The following REDIC1 variants were observed in gnomAD, a reference collection of about 807,000 sequenced individuals.
REDIC1 encodes the protein regulator of DNA class I crossover intermediates 1.
At chr12:39,786,444 C>G in the REDIC1 span, among the ~76,000 whole-genome samples, 5 of 104,872 alleles carry the variant, frequency 4.8e-5, no homozygotes, top group Admixed American at 4.0e-4. Context: ...TCCCAGTTTT[C>G]AGTATGTCTT....
chr12:39,713,606 A>G, the REDIC1 span, among the ~76,000 whole-genome samples: 1 of 149,106 alleles, frequency 6.7e-6, no homozygotes, highest in South Asian at 2.1e-4. Context: ...ACGTATATAT[A>G]CATATGTATA....
chr12:39,773,501 G>A, the REDIC1 span, among the ~76,000 whole-genome samples: 7 of 152,138 alleles, frequency 4.6e-5, no homozygotes, highest in East Asian at 3.8e-4. Context: ...TAGTTCATAC[G>A]TAGATCTATT....
the REDIC1 span, among the ~76,000 whole-genome samples, chr12:39,828,886 A>T: frequency 6.6e-6 from 1 of 152,048 alleles, no homozygotes; most frequent in Non-Finnish European, 1.5e-5. Context: ...CACTAATTGT[A>T]TTTCTTTTAC....
the REDIC1 span, among the ~76,000 whole-genome samples, chr12:39,842,357 C>T: frequency 2.0e-5 from 3 of 152,026 alleles, no homozygotes; most frequent in Non-Finnish European, 4.4e-5. Context: ...GAGACTTGCT[C>T]ATGTCTCTAA....
chr12:39,721,128 A>T, the REDIC1 span: 1 of 1,613,776 alleles, frequency 6.2e-7, no homozygotes, highest in Non-Finnish European at 8.5e-7. Flanking sequence ...ATGTTGCCAT[A>T]CAGTGTGATC....
At chr12:39,841,875 A>G in the REDIC1 span, among the ~76,000 whole-genome samples, 3 of 152,084 alleles carry the variant, frequency 2.0e-5, no homozygotes, top group African/African-American at 7.2e-5. Context: ...GTCGACTAGT[A>G]TTTGTAGCTA....
the REDIC1 span, among the ~76,000 whole-genome samples, chr12:39,882,723 T>C: frequency 2.4e-4 from 37 of 152,284 alleles, no homozygotes; most frequent in Admixed American, 2.0e-3. Flanking sequence ...TCTACATTGA[T>C]TCACAAATCT....
At chr12:39,904,228 T>G in the REDIC1 span, among the ~76,000 whole-genome samples, 1 of 152,110 alleles carries the variant, frequency 6.6e-6, no homozygotes, top group Non-Finnish European at 1.5e-5. Context: ...AAAGATTCAG[T>G]GCCCAGGGTT....
chr12:39,877,994 C>T, the REDIC1 span, among the ~76,000 whole-genome samples: 1 of 152,162 alleles, frequency 6.6e-6, no homozygotes, highest in Non-Finnish European at 1.5e-5. Flanking sequence ...CTGACCCACT[C>T]TCCTACTGCT....
chr12:39,638,653 A>G, the REDIC1 span, among the ~76,000 whole-genome samples: 1 of 152,038 alleles, frequency 6.6e-6, no homozygotes, highest in African/African-American at 2.4e-5. Flanking sequence ...GTTTATGTGG[A>G]CATATCATTC....
the REDIC1 span, among the ~76,000 whole-genome samples, chr12:39,885,112 ATG>A: frequency 1.6e-4 from 24 of 152,320 alleles, no homozygotes; most frequent in African/African-American, 5.5e-4. Flanking sequence ...GGGGCTGATG[ATG>A]AAATGGAAAA....
the REDIC1 span, among the ~76,000 whole-genome samples, chr12:39,831,249 TA>T: frequency 2.6e-5 from 4 of 152,278 alleles, no homozygotes; most frequent in African/African-American, 9.6e-5. Context: ...CCATTCATTT[TA>T]ACGATGAGAG....
chr12:39,691,031 AGG>A, the REDIC1 span, among the ~76,000 whole-genome samples: 1 of 152,088 alleles, frequency 6.6e-6, no homozygotes, highest in East Asian at 1.9e-4. Flanking sequence ...GATAAGATAG[AGG>A]GGTTAGGGAA....
the REDIC1 span, chr12:39,864,942 G>A: frequency 6.8e-7 from 1 of 1,477,176 alleles, no homozygotes; most frequent in African/African-American, 1.4e-5. Context: ...AAGGCAGACT[G>A]GGTTTGGTAA....
At chr12:39,849,796 T>C in the REDIC1 span, among the ~76,000 whole-genome samples, 2 of 152,192 alleles carry the variant, frequency 1.3e-5, no homozygotes, top group Admixed American at 1.3e-4. Flanking sequence ...GGCTTTAATA[T>C]TTCAAGGTCA....
chr12:39,672,628 G>A, the REDIC1 span, among the ~76,000 whole-genome samples: 1 of 152,096 alleles, frequency 6.6e-6, no homozygotes, highest in Non-Finnish European at 1.5e-5. Context: ...ACATGCTGTG[G>A]CACCCTTTGT....
At chr12:39,643,307 G>A in the REDIC1 span, among the ~76,000 whole-genome samples, 2 of 151,404 alleles carry the variant, frequency 1.3e-5, no homozygotes, top group Admixed American at 6.6e-5. Flanking sequence ...ACAAATAAAC[G>A]AAATTGGCTT....
At chr12:39,666,635 G>A in the REDIC1 span, among the ~76,000 whole-genome samples, 1 of 152,312 alleles carries the variant, frequency 6.6e-6, no homozygotes, top group South Asian at 2.1e-4. Flanking sequence ...AGTTTCAGAA[G>A]AAATGGTACC....
chr12:39,719,553 A>G, the REDIC1 span, among the ~76,000 whole-genome samples: 2 of 152,056 alleles, frequency 1.3e-5, no homozygotes, highest in Non-Finnish European at 2.9e-5. Context: ...GGTTGAGGTC[A>G]CAGTGAGCCA....
Sources: allele counts gnomAD v4.1 joint callset (sites outside exome capture counted in the v4.1 genomes callset), GRCh38; gene constraint gnomAD v4.1.1; transcripts MANE v1.5; gene names NCBI Gene and HGNC (gene_info 2026-07-23, HGNC 2026-07-21).